The following ANKS1B variants were observed in gnomAD, a reference collection of about 807,000 sequenced individuals.
ANKS1B encodes ankyrin repeat and sterile alpha motif domain-containing protein 1B.
ANKS1B carries 36 observed loss-of-function variants against 148.3 expected under a neutral mutation model. The observed-to-expected ratio is 0.24, with a 90% CI of 0.19 to 0.32. The LOEUF is 0.32. Among genes scored for constraint, ANKS1B ranks in the 10% least tolerant of loss-of-function variants. ANKS1B has a pLI of 1.00. For synonymous variants in ANKS1B, 542 were observed against 560.8 expected, an observed-to-expected ratio of 0.97 and a Z score of 0.47; for missense variants, 1,157 against 1,542.6, an observed-to-expected ratio of 0.75 and a Z score of 4.19.
intron 12 of ANKS1B, among the ~76,000 whole-genome samples, chr12:99,268,756 A>G (rs1166030726): frequency 6.6e-6 from 1 of 152,230 alleles, no homozygotes; most frequent in South Asian, 2.1e-4. Flanking sequence ...TGACACAAGT[A>G]GTAGAAAAAT....
intron 2 of ANKS1B, among the ~76,000 whole-genome samples, chr12:99,816,774 T>G (rs1028455213): frequency 7.3e-5 from 11 of 151,680 alleles, no homozygotes. Flanking sequence ...TCCATATATA[T>G]CCAAAGTAAT....
Position 99,719,835 on chromosome 12 carries a change from A to T in ANKS1B, c.1128+53087T>A, listed in dbSNP as rs1248696891. On this transcript the variant is annotated intron_variant, in intron 8 of 26. Transcript: ENST00000683438. ...CAAAGGGCATCAGATCCCATCGCTC[A>T]GGACAATGCTCATACTGATAAGATA... Among the ~76,000 whole-genome samples the T allele has an allele frequency of 5.9e-5, 9 of 152,314 alleles. No homozygotes were observed. In the East Asian group the frequency reaches 1.7e-3, roughly 29 times the overall value.
At chr12:99,560,846 T>TC (rs1208665529) in intron 9 of ANKS1B, among the ~76,000 whole-genome samples, 5 of 122,438 alleles carry the variant, frequency 4.1e-5, no homozygotes, top group East Asian at 2.1e-4. Context: ...TTTTCTTTTT[T>TC]TTTTTTTTTT....
chr12:99,611,964 T>G (rs537657415), intron 9 of ANKS1B, among the ~76,000 whole-genome samples: 2 of 152,088 alleles, frequency 1.3e-5, no homozygotes, highest in Non-Finnish European at 2.9e-5. Flanking sequence ...CACGTAAATG[T>G]CCTGAATATC....
chr12:99,710,485 C>A (rs1455223801), intron 8 of ANKS1B, among the ~76,000 whole-genome samples: 1 of 152,084 alleles, frequency 6.6e-6, no homozygotes, highest in Non-Finnish European at 1.5e-5. Context: ...TCACTGAGAT[C>A]TCAAGTCTAT....
chr12:99,962,253 A>C (rs917440447), intron 1 of ANKS1B, among the ~76,000 whole-genome samples: 4 of 151,440 alleles, frequency 2.6e-5, no homozygotes, highest in Non-Finnish European at 5.9e-5. Context: ...CCCTGTGTCC[A>C]TGTGTTCTCA....
chr12:99,307,764 A>C (rs1359233969), intron 12 of ANKS1B, among the ~76,000 whole-genome samples: 1 of 151,876 alleles, frequency 6.6e-6, no homozygotes, highest in South Asian at 2.1e-4. Flanking sequence ...GAGCTCAAAA[A>C]CCAGCAATTT....
At chr12:99,372,227 G>C (rs1216349587) in intron 12 of ANKS1B, among the ~76,000 whole-genome samples, 2 of 151,906 alleles carry the variant, frequency 1.3e-5, no homozygotes, top group Non-Finnish European at 2.9e-5. Flanking sequence ...GCACTTGTGG[G>C]GAGTAGGGAA....
At chr12:98,862,777 TA>T (rs1176803009) in intron 17 of ANKS1B, among the ~76,000 whole-genome samples, 2 of 152,134 alleles carry the variant, frequency 1.3e-5, no homozygotes, top group African/African-American at 4.8e-5. Flanking sequence ...ACATGCCCCA[TA>T]AAAAAGCTGT....
chr12:99,853,068 G>A (rs576938924), intron 1 of ANKS1B, among the ~76,000 whole-genome samples: 23 of 152,220 alleles, frequency 1.5e-4, no homozygotes, highest in Middle Eastern at 3.4e-3. Flanking sequence ...AGCAAGCCAC[G>A]CACAAGGAGT....
intron 11 of ANKS1B, among the ~76,000 whole-genome samples, chr12:99,437,198 T>C (rs897044229): frequency 1.3e-5 from 2 of 152,006 alleles, no homozygotes; most frequent in African/African-American, 4.8e-5. Flanking sequence ...TCTTGCTGTG[T>C]CCTCATGTGT....
At chr12:98,837,773 T>C (rs1054591224) in intron 17 of ANKS1B, among the ~76,000 whole-genome samples, 19 of 152,310 alleles carry the variant, frequency 1.2e-4, no homozygotes, top group African/African-American at 4.3e-4. Flanking sequence ...TTTAATGTGA[T>C]ATAAAATTAA....
chr12:99,277,922 T>G (rs1187874220), intron 12 of ANKS1B, among the ~76,000 whole-genome samples: 1 of 152,232 alleles, frequency 6.6e-6, no homozygotes, highest in Non-Finnish European at 1.5e-5. Context: ...AGGAGATAAT[T>G]TGAACATGCT....
intron 10 of ANKS1B, among the ~76,000 whole-genome samples, chr12:99,452,913 T>G (rs2095771659): frequency 6.6e-6 from 1 of 152,222 alleles, no homozygotes; most frequent in Admixed American, 6.5e-5. Flanking sequence ...ATGGTCCCAA[T>G]TGAGCCCCAC....
At chr12:99,742,538 T>C (rs923021044) in intron 8 of ANKS1B, among the ~76,000 whole-genome samples, 1 of 152,054 alleles carries the variant, frequency 6.6e-6, no homozygotes, top group African/African-American at 2.4e-5. Flanking sequence ...TACATTAAAA[T>C]GCACACTAGA....
chr12:99,556,874 C>T (rs915053447), intron 9 of ANKS1B, among the ~76,000 whole-genome samples: 2 of 152,080 alleles, frequency 1.3e-5, no homozygotes, highest in Non-Finnish European at 2.9e-5. Context: ...TGTGTGGTTG[C>T]TTTTAGAATA....
chr12:98,804,988 C>T (rs2099039038), intron 20 of ANKS1B, among the ~76,000 whole-genome samples: 1 of 152,098 alleles, frequency 6.6e-6, no homozygotes, highest in African/African-American at 2.4e-5. Flanking sequence ...CTAAACACAG[C>T]TAACAACGCA....
At position 99,225,613 on chromosome 12, in the gene ANKS1B, A is replaced by C. The variant is rs192995479; in HGVS notation, c.2419+18729T>G. 5.3e-3 allele frequency among the ~76,000 whole-genome samples: 805 copies of C among 152,280 alleles called. 14 individuals carry two copies. The highest frequency in any genetic ancestry group is 0.048 in the South Asian group (231 of 4,814). Reference sequence around the variant, plus strand: ...TGGCTACAAAAAAGCAGGCAGAATAAAGTGGAATGGGCAGACTTGCTGAGT... The same window carrying C: ...TGGCTACAAAAAAGCAGGCAGAATACAGTGGAATGGGCAGACTTGCTGAGT... On this transcript the variant is annotated intron_variant, in intron 14 of 26. Transcript: ENST00000683438.
chr12:99,416,440 A>C (rs11109833), intron 11 of ANKS1B, among the ~76,000 whole-genome samples: 14,212 of 152,264 alleles, frequency 0.093, 847 homozygotes, highest in Non-Finnish European at 0.13. Flanking sequence ...CTGTTTTCCA[A>C]AATTGCTGTA....
Sources: gnomAD v4.1 joint callset for allele counts (sites outside exome capture counted in the v4.1 genomes callset) on GRCh38, gnomAD v4.1.1 for gene constraint, MANE v1.5 for transcripts, NCBI Gene and HGNC (gene_info 2026-07-23, HGNC 2026-07-21) for gene names.